Variants in CFAP299 observed in about 807,000 individuals in gnomAD.
CFAP299 encodes the protein cilia- and flagella-associated protein 299.
In CFAP299, 21 loss-of-function variants were observed where a neutral mutation model predicts 27.0. The ratio of observed to expected loss-of-function variants is 0.78; its 90% CI spans 0.55 to 1.12. CFAP299 has a LOEUF of 1.12. CFAP299 is among the 50% of genes most tolerant of loss of function. The probability of loss-of-function intolerance (pLI) is 0.00; values close to 1 mark genes in which losing one functional copy is unlikely to be tolerated. For missense variants in CFAP299, 310 were observed against 276.6 expected (o/e 1.12, Z -0.86); for synonymous variants, 104 against 98.1 (o/e 1.06, Z -0.36).
At chr4:80,903,700 T>C (rs1365729936) in intron 4 of CFAP299, among the ~76,000 whole-genome samples, 2 of 152,088 alleles carry the variant, frequency 1.3e-5, no homozygotes, top group African/African-American at 4.8e-5. Flanking sequence ...ACTTGAATTA[T>C]TCTTTCAACT....
At chr4:80,557,297 T>C (rs1275778497) in intron 2 of CFAP299, among the ~76,000 whole-genome samples, 1 of 152,126 alleles carries the variant, frequency 6.6e-6, no homozygotes, top group African/African-American at 2.4e-5. Flanking sequence ...ATTTCTGGTC[T>C]TGTGTCTCAC....
intron 2 of CFAP299, among the ~76,000 whole-genome samples, chr4:80,519,196 GTA>G (rs1491415808): frequency 8.0e-6 from 1 of 125,584 alleles, no homozygotes; most frequent in Non-Finnish European, 1.6e-5. Flanking sequence ...GTGTGTGTGT[GTA>G]TGTGTGTGTG....
At chr4:80,630,860 G>C (rs559840778) in intron 3 of CFAP299, among the ~76,000 whole-genome samples, 4 of 151,952 alleles carry the variant, frequency 2.6e-5, no homozygotes, top group African/African-American at 9.7e-5. Context: ...ATACTTAAGA[G>C]TTACGTTAAC....
intron 2 of CFAP299, among the ~76,000 whole-genome samples, chr4:80,491,865 G>A (rs1001611290): frequency 6.6e-6 from 1 of 152,138 alleles, no homozygotes; most frequent in African/African-American, 2.4e-5. Context: ...ATCTGCTTCT[G>A]TAAAGAATCT....
intron 4 of CFAP299, among the ~76,000 whole-genome samples, chr4:80,876,048 T>A (rs1733358005): frequency 6.6e-6 from 1 of 151,732 alleles, no homozygotes; most frequent in Non-Finnish European, 1.5e-5. Flanking sequence ...AAAACAATGA[T>A]GATGTTAACT....
intron 3 of CFAP299, among the ~76,000 whole-genome samples, chr4:80,631,290 CTT>C (rs935984996): frequency 4.8e-4 from 73 of 151,880 alleles, no homozygotes; most frequent in African/African-American, 1.7e-3. Flanking sequence ...TAATTCATGT[CTT>C]ATTAGTTTAT....
intron 2 of CFAP299, among the ~76,000 whole-genome samples, chr4:80,514,369 A>T (rs1211392325): frequency 1.3e-5 from 2 of 152,108 alleles, no homozygotes; most frequent in Non-Finnish European, 2.9e-5. Flanking sequence ...ACTAGGAGGT[A>T]GCCAATAATT....
chr4:80,616,317 A>G (rs1365282490), intron 3 of CFAP299, among the ~76,000 whole-genome samples: 1 of 152,162 alleles, frequency 6.6e-6, no homozygotes, highest in Non-Finnish European at 1.5e-5. Context: ...AATACTTCAT[A>G]TAAAAGACTT....
At chr4:80,432,821 C>T (rs568616704) in intron 2 of CFAP299, among the ~76,000 whole-genome samples, 8 of 152,200 alleles carry the variant, frequency 5.3e-5, no homozygotes, top group Admixed American at 4.6e-4. Context: ...CGTGCCCGGC[C>T]TACACTCTAT....
chr4:80,355,141 C>T (rs931683002), intron 1 of CFAP299, among the ~76,000 whole-genome samples: 11 of 152,092 alleles, frequency 7.2e-5, no homozygotes, highest in African/African-American at 2.7e-4. Context: ...CTCCCACCAA[C>T]AATGTATAAG....
intron 2 of CFAP299, among the ~76,000 whole-genome samples, chr4:80,384,525 G>A (rs2110023532): frequency 6.6e-6 from 1 of 152,304 alleles, no homozygotes. Context: ...AACTACTTGT[G>A]ATCTCCTGGG....
intron 3 of CFAP299, among the ~76,000 whole-genome samples, chr4:80,586,564 C>T (rs1736452522): frequency 6.6e-6 from 1 of 152,054 alleles, no homozygotes; most frequent in African/African-American, 2.4e-5. Flanking sequence ...ATAGTCTGTG[C>T]AAACCGCTTT....
intron 4 of CFAP299, among the ~76,000 whole-genome samples, chr4:80,919,685 A>G (rs1031521146): frequency 1.3e-5 from 2 of 152,158 alleles, no homozygotes; most frequent in African/African-American, 2.4e-5. Flanking sequence ...TCTGGTACAC[A>G]TAGACTCAGG....
intron 2 of CFAP299, among the ~76,000 whole-genome samples, chr4:80,549,306 A>G (rs1734390930): frequency 6.6e-6 from 1 of 152,156 alleles, no homozygotes; most frequent in Non-Finnish European, 1.5e-5. Flanking sequence ...GGTTTAGAAC[A>G]GTGGGAGAAA....
chr4:80,608,923 GAGA>G (rs1208504838), intron 3 of CFAP299, among the ~76,000 whole-genome samples: 3 of 151,608 alleles, frequency 2.0e-5, no homozygotes, highest in African/African-American at 7.2e-5. Flanking sequence ...TGATTAAAAG[GAGA>G]AGAATAAAGA....
chr4:80,352,997 A>G (rs1329098233), intron 1 of CFAP299, among the ~76,000 whole-genome samples: 2 of 152,186 alleles, frequency 1.3e-5, no homozygotes, highest in Non-Finnish European at 2.9e-5. Flanking sequence ...AGTAGCTTCT[A>G]CCTTAAGAAG....
chr4:80,644,600 A>G (rs749604274), intron 3 of CFAP299, among the ~76,000 whole-genome samples: 1 of 152,166 alleles, frequency 6.6e-6, no homozygotes, highest in Non-Finnish European at 1.5e-5. Flanking sequence ...TTACAGATCA[A>G]TTAGTAATTC....
chr4:80,424,617 A>G (rs1727449215), intron 2 of CFAP299, among the ~76,000 whole-genome samples: 1 of 152,198 alleles, frequency 6.6e-6, no homozygotes, highest in Non-Finnish European at 1.5e-5. Flanking sequence ...ATGAGTGATA[A>G]TTGTGTTACT....
At chr4:80,541,211 C>T (rs1245138617) in intron 2 of CFAP299, among the ~76,000 whole-genome samples, 3 of 151,962 alleles carry the variant, frequency 2.0e-5, no homozygotes, top group Non-Finnish European at 4.4e-5. Flanking sequence ...AAGATTTTTC[C>T]GACTCCTTAG....
Sources: allele counts gnomAD v4.1 joint callset (sites outside exome capture counted in the v4.1 genomes callset), GRCh38; gene constraint gnomAD v4.1.1; transcripts MANE v1.5; gene names NCBI Gene and HGNC (gene_info 2026-07-23, HGNC 2026-07-21).